Variants in MYO6 observed in about 807,000 individuals in gnomAD.
The protein encoded by MYO6 is myosin VI, also known as unconventional myosin-VI.
In MYO6, 74 loss-of-function variants were observed where a neutral mutation model predicts 178.7. That is an observed-to-expected ratio of 0.41 (90% CI 0.34 to 0.50). The LOEUF is 0.50. Among genes scored for constraint, MYO6 ranks in the 20% least tolerant of loss-of-function variants. MYO6 has a pLI of 0.09. For synonymous variants in MYO6, 477 were observed against 504.6 expected (o/e 0.95, Z 0.73); for missense variants, 1,330 against 1,547.4 (o/e 0.86, Z 2.36).
chr6:75,824,498 GAATGACACACTGTA>G (rs1282135394), intron 3 of MYO6, among the ~76,000 whole-genome samples: 1 of 152,094 alleles, frequency 6.6e-6, no homozygotes, highest in Non-Finnish European at 1.5e-5. Context: ...GTCCTCTGCT[GAATGACACACTGTA>G]ACACAAAGCT....
At chr6:75,764,482 C>T (rs936275206) in intron 1 of MYO6, among the ~76,000 whole-genome samples, 1 of 152,130 alleles carries the variant, frequency 6.6e-6, no homozygotes, top group Non-Finnish European at 1.5e-5. Context: ...TTTGGAATTA[C>T]ACTGGTATTA....
chr6:75,873,450 A>G lies in MYO6; in HGVS notation c.2077+150A>G, dbSNP rs190141406. 85 of 766,256 alleles carry G rather than the reference A, an allele frequency of 1.1e-4. No homozygotes were observed. The African/African-American group carries it at 1.4e-3, about 12-fold the overall frequency. 47.5% of individuals were successfully genotyped at this position (766,256 alleles called of 1,614,324 possible). A position where few individuals can be genotyped will look rare whatever the true frequency, so the allele number is the denominator to read the frequency against. The stretch of plus-strand genomic sequence containing the variant: ...TTATATTTTCTTTAATTATAAGAAA[A>G]GTATAGAGCCACATGTGGTGGTGTA... On this transcript the variant is annotated intron_variant, in intron 20 of 34. Transcript: ENST00000369977.
chr6:75,842,201 T>C (rs546200659), intron 9 of MYO6, among the ~76,000 whole-genome samples: 2,464 of 145,116 alleles, frequency 0.017, 71 homozygotes, highest in African/African-American at 0.061. Context: ...CACACACACA[T>C]GCACACACAC....
At chr6:75,908,703 G>C in intron 32 of MYO6, 76 bp downstream of exon 32, 1 of 1,485,644 alleles carries the variant, frequency 6.7e-7, no homozygotes, top group Non-Finnish European at 9.4e-7. Flanking sequence ...TAAGACATGG[G>C]TAAAATGTCC....
intron 34 of MYO6, 89 bp downstream of exon 34, chr6:75,914,370 T>C (rs564386719): frequency 1.4e-4 from 178 of 1,299,940 alleles, no homozygotes; most frequent in Non-Finnish European, 1.9e-4. Flanking sequence ...AATATAATAA[T>C]TTATTACATT....
At chr6:75,771,928 T>C (rs897384963) in intron 1 of MYO6, among the ~76,000 whole-genome samples, 1 of 152,218 alleles carries the variant, frequency 6.6e-6, no homozygotes, top group African/African-American at 2.4e-5. Context: ...TTTAAAAATT[T>C]AGTTTTTGTG....
At chr6:75,817,906 C>T (rs1435737589) in intron 2 of MYO6, among the ~76,000 whole-genome samples, 1 of 152,110 alleles carries the variant, frequency 6.6e-6, no homozygotes, top group Non-Finnish European at 1.5e-5. Flanking sequence ...GTTTTTTTCA[C>T]ATCCCTTTGA....
intron 1 of MYO6, among the ~76,000 whole-genome samples, chr6:75,797,281 C>G (rs141714128): frequency 2.0e-5 from 3 of 152,004 alleles, no homozygotes; most frequent in Admixed American, 6.6e-5. Flanking sequence ...TTAGTAGAGA[C>G]GGGGTTTCTT....
Position 75,845,965 on chromosome 6 carries a change from C to T in MYO6, c.897+988C>T, listed in dbSNP as rs139831378. 0.013 allele frequency among the ~76,000 whole-genome samples: 1,961 copies of T among 146,556 alleles called. 74 individuals are homozygous for T. The East Asian group carries it at 0.15, about 11-fold the overall frequency. ...TCGCACCACTGTACTCCAGCCTGGG[C>T]GACAGAACGAGACTCTGTCTCAAAA... is the stretch of plus-strand genomic sequence containing the variant. On this transcript the variant is annotated intron_variant, in intron 10 of 34. Transcript: ENST00000369977.
chr6:75,840,818 A>G (rs112142748), intron 8 of MYO6, 136 bp downstream of exon 8: 12 of 722,962 alleles, frequency 1.7e-5, no homozygotes, highest in African/African-American at 3.5e-5. Flanking sequence ...GCAGGAATAT[A>G]TGTGTCCACT....
intron 9 of MYO6, among the ~76,000 whole-genome samples, chr6:75,842,629 A>G (rs530492607): frequency 3.9e-5 from 6 of 152,282 alleles, no homozygotes; most frequent in African/African-American, 1.2e-4. Flanking sequence ...GAGCTCTCCA[A>G]ATTAATTGGA....
chr6:75,888,443 T>G (rs934729666), intron 25 of MYO6, among the ~76,000 whole-genome samples: 1 of 151,694 alleles, frequency 6.6e-6, no homozygotes, highest in Admixed American at 6.6e-5. Flanking sequence ...GGCCAAAACC[T>G]GTCTCCACCA....
intron 11 of MYO6, among the ~76,000 whole-genome samples, chr6:75,849,141 A>T (rs774006433): frequency 6.6e-6 from 1 of 152,124 alleles, no homozygotes; most frequent in Non-Finnish European, 1.5e-5. Context: ...CCACAGCCCA[A>T]ATTTGACCCA....
At chr6:75,828,961 G>A (rs899722219) in intron 4 of MYO6, among the ~76,000 whole-genome samples, 1 of 152,056 alleles carries the variant, frequency 6.6e-6, no homozygotes. Flanking sequence ...TGGTATGTCT[G>A]TAGATATGTT....
intron 32 of MYO6, among the ~76,000 whole-genome samples, chr6:75,909,541 T>G (rs564888019): frequency 1.1e-4 from 16 of 152,286 alleles, no homozygotes; most frequent in African/African-American, 3.8e-4. Context: ...AAGGCCAAGG[T>G]GTATACTTGA....
intron 3 of MYO6, among the ~76,000 whole-genome samples, chr6:75,823,255 C>A (rs1298407301): frequency 6.6e-6 from 1 of 152,042 alleles, no homozygotes; most frequent in African/African-American, 2.4e-5. Context: ...AGCAAACATG[C>A]ATTTAAAAAA....
chr6:75,775,792 T>C (rs1684607002), intron 1 of MYO6, among the ~76,000 whole-genome samples: 1 of 152,216 alleles, frequency 6.6e-6, no homozygotes, highest in Non-Finnish European at 1.5e-5. Context: ...CACAAATCCA[T>C]AGAGCTACTA....
chr6:75,891,405 G>A, intron 27 of MYO6, 99 bp downstream of exon 27: 2 of 789,220 alleles, frequency 2.5e-6, no homozygotes, highest in Non-Finnish European at 4.1e-6. Context: ...GGCCGAGGCG[G>A]GCGGATCACG....
At chr6:75,766,666 TATA>T (rs1334075972) in intron 1 of MYO6, among the ~76,000 whole-genome samples, 1 of 152,208 alleles carries the variant, frequency 6.6e-6, no homozygotes, top group Non-Finnish European at 1.5e-5. Context: ...AGCATTGCTC[TATA>T]ATGTGATTTT....
Sources: gnomAD v4.1 joint callset for allele counts (sites outside exome capture counted in the v4.1 genomes callset) on GRCh38, gnomAD v4.1.1 for gene constraint, MANE v1.5 for transcripts, NCBI Gene and HGNC (gene_info 2026-07-23, HGNC 2026-07-21) for gene names.